Variants in ENPP1 observed in about 807,000 individuals in gnomAD.
ENPP1 encodes ectonucleotide pyrophosphatase/phosphodiesterase family member 1.
Under a neutral mutation model 122.8 loss-of-function variants are expected in ENPP1, and 73 were observed. That is an observed-to-expected ratio of 0.59 (90% CI 0.49 to 0.72). The LOEUF (loss-of-function observed/expected upper bound fraction) is 0.72. Among genes scored for constraint, ENPP1 ranks in the 30% least tolerant of loss-of-function variants. The pLI, the probability that ENPP1 is intolerant of heterozygous loss-of-function variation, is 0.00. For synonymous variants in ENPP1, 367 were observed against 391.6 expected, an observed-to-expected ratio of 0.94 and a Z score of 0.74; for missense variants, 978 against 1,128.1, an observed-to-expected ratio of 0.87 and a Z score of 1.91.
chr6:131,860,845 G>T (rs988799072), intron 8 of ENPP1, among the ~76,000 whole-genome samples: 5 of 152,028 alleles, frequency 3.3e-5, no homozygotes, highest in Non-Finnish European at 7.4e-5. Flanking sequence ...GGTTTTATTT[G>T]CCTGTGCTAA....
At chr6:131,822,025 T>A (rs1781490488) in intron 1 of ENPP1, among the ~76,000 whole-genome samples, 1 of 152,208 alleles carries the variant, frequency 6.6e-6, no homozygotes, top group Non-Finnish European at 1.5e-5. Context: ...AATATTCATG[T>A]GGGAACAGTG....
intron 1 of ENPP1, chr6:131,827,595 C>A (rs1781561010): frequency 3.4e-6 from 2 of 593,690 alleles, no homozygotes; most frequent in East Asian, 6.2e-5. Flanking sequence ...AAATATGGAA[C>A]ATAAGTTATG....
At chr6:131,843,806 C>T (rs73539605) in intron 1 of ENPP1, among the ~76,000 whole-genome samples, 3,310 of 152,030 alleles carry the variant, frequency 0.022, 144 homozygotes, top group African/African-American at 0.077. Context: ...TCTTTGTTGT[C>T]GCCACTGGTT....
At chr6:131,888,514 G>C (rs1025896228) in intron 24 of ENPP1, among the ~76,000 whole-genome samples, 1 of 152,150 alleles carries the variant, frequency 6.6e-6, no homozygotes, top group Non-Finnish European at 1.5e-5. Flanking sequence ...GGGCCCAAGA[G>C]TAGAATACAA....
chr6:131,871,579 T>C (rs188646637), intron 13 of ENPP1, among the ~76,000 whole-genome samples: 257 of 152,356 alleles, frequency 1.7e-3, no homozygotes, highest in African/African-American at 5.9e-3. Flanking sequence ...ATAATTGAGA[T>C]ATTTGAATAA....
intron 1 of ENPP1, among the ~76,000 whole-genome samples, chr6:131,840,549 A>C (rs1016675507): frequency 9.2e-5 from 14 of 152,224 alleles, no homozygotes; most frequent in Admixed American, 2.0e-4. Context: ...CCTCGTCACC[A>C]ATCTAGGCAT....
chr6:131,817,983 T>TA (rs35566552), intron 1 of ENPP1, among the ~76,000 whole-genome samples: 7,799 of 151,384 alleles, frequency 0.052, 629 homozygotes, highest in African/African-American at 0.17. Context: ...TTGAGAGTCT[T>TA]AAAAAAAAAT....
intron 1 of ENPP1, among the ~76,000 whole-genome samples, chr6:131,830,829 G>C (rs1781601346): frequency 6.6e-6 from 1 of 151,768 alleles, no homozygotes; most frequent in African/African-American, 2.4e-5. Context: ...AAAAAAATAG[G>C]GCCAGGCTGG....
chr6:131,831,632 A>G (rs1301171332), intron 1 of ENPP1, among the ~76,000 whole-genome samples: 1 of 152,180 alleles, frequency 6.6e-6, no homozygotes, highest in Non-Finnish European at 1.5e-5. Context: ...GGATTTGTCT[A>G]ATGTTTTTCT....
At chr6:131,829,635 G>A (rs1781586070) in intron 1 of ENPP1, among the ~76,000 whole-genome samples, 1 of 152,156 alleles carries the variant, frequency 6.6e-6, no homozygotes, top group African/African-American at 2.4e-5. Flanking sequence ...TTTAATATAG[G>A]AAACAAATAC....
chr6:131,828,169 C>T (rs1426497195), intron 1 of ENPP1: 17 of 575,090 alleles, frequency 3.0e-5, no homozygotes, highest in East Asian at 9.2e-5. Context: ...ACTGATGTCC[C>T]GGGATTAGAG....
intron 6 of ENPP1, among the ~76,000 whole-genome samples, chr6:131,856,804 A>AGG (rs1781953035): frequency 1.3e-5 from 2 of 150,860 alleles, no homozygotes; most frequent in South Asian, 4.2e-4. Flanking sequence ...AGTTGTAGGT[A>AGG]TGTGGCATTA....
intron 23 of ENPP1, among the ~76,000 whole-genome samples, chr6:131,885,518 T>G (rs954094604): frequency 6.6e-6 from 1 of 152,146 alleles, no homozygotes; most frequent in Non-Finnish European, 1.5e-5. Flanking sequence ...CAACTGTGGC[T>G]GGAGGGGCAT....
At chr6:131,826,858 G>C in intron 1 of ENPP1, 1 of 372,344 alleles carries the variant, frequency 2.7e-6, no homozygotes, top group Non-Finnish European at 5.0e-6. Flanking sequence ...GGGCAGAAAA[G>C]TTTCTCACAT....
chr6:131,860,290 G>T, intron 7 of ENPP1, 97 bp from the exon 8 acceptor site: 2 of 939,264 alleles, frequency 2.1e-6, no homozygotes, highest in Non-Finnish European at 3.3e-6. Context: ...ATTCCATGTA[G>T]CTTCAGTTAT....
At chr6:131,849,905 A>G in intron 2 of ENPP1, 85 bp from the exon 3 acceptor site, 1 of 988,014 alleles carries the variant, frequency 1.0e-6, no homozygotes, top group East Asian at 2.4e-5. Flanking sequence ...AACCTAGTGT[A>G]CACCTAACTT....
chr6:131,872,366 AT>A (rs1053566772), intron 14 of ENPP1, among the ~76,000 whole-genome samples: 5 of 152,268 alleles, frequency 3.3e-5, no homozygotes, highest in African/African-American at 1.2e-4. Context: ...ACAAGAAATA[AT>A]TTTTAAAGTA....
At chr6:131,872,266 C>A (rs1222614688) in intron 14 of ENPP1, among the ~76,000 whole-genome samples, 165 bp downstream of exon 14, 1 of 151,774 alleles carries the variant, frequency 6.6e-6, no homozygotes, top group Non-Finnish European at 1.5e-5. Context: ...AGGTCGTATC[C>A]CAATAATCCA....
intron 9 of ENPP1, among the ~76,000 whole-genome samples, chr6:131,862,994 G>A (rs546853053): frequency 6.6e-6 from 1 of 152,008 alleles, no homozygotes; most frequent in Admixed American, 6.6e-5. Context: ...TCCTTCCCAA[G>A]GTTATTTCAG....
Sources: allele counts gnomAD v4.1 joint callset (sites outside exome capture counted in the v4.1 genomes callset), GRCh38; gene constraint gnomAD v4.1.1; transcripts MANE v1.5; gene names NCBI Gene and HGNC (gene_info 2026-07-23, HGNC 2026-07-21).